SIN3B: variants seen among roughly 807,000 people sequenced by gnomAD.
SIN3B encodes paired amphipathic helix protein Sin3b.
SIN3B carries 19 observed loss-of-function variants against 120.2 expected under a neutral mutation model. The ratio of observed to expected loss-of-function variants is 0.16; its 90% confidence interval spans 0.11 to 0.23. The LOEUF is 0.23. SIN3B is among the 10% of genes least tolerant of loss of function. SIN3B has a pLI of 1.00. For synonymous variants in SIN3B, 654 were observed against 653.2 expected, an observed-to-expected ratio of 1.00 and a Z score of -0.02; for missense variants, 1,073 against 1,573.0, an observed-to-expected ratio of 0.68 and a Z score of 5.38.
chr19:16,847,221 C>G, intron 5 of SIN3B, 108 bp downstream of exon 5: 1 of 1,234,744 alleles, frequency 8.1e-7, no homozygotes, highest in Non-Finnish European at 1.1e-6. Context: ...CCAGGCCACA[C>G]TAGGGTCCCC....
chr19:16,862,851 C>A lies in SIN3B; in HGVS notation c.1266+292C>A. 1 of 1,526,334 alleles carries A rather than the reference C, an allele frequency of 6.6e-7. No homozygotes were observed. Among genetic ancestry groups the A allele is most frequent in the Non-Finnish European group, 9.1e-7 (1 of 1,100,076 alleles). 94.5% of individuals were successfully genotyped at this position (1,526,334 alleles called of 1,614,324 possible). On this transcript the variant is annotated intron_variant, in intron 9 of 18. Transcript: ENST00000248054. The surrounding 1 kb of genome is among the most constrained non-coding windows in gnomAD (Gnocchi z 4.7). ...TTGCTGCCATGATTCTGCTCTGTCC[C>A]GGGCTCACTGACCTCAGTGTGTTTC...
rs1971756561 is a variant in SIN3B at position 16,865,502 on chromosome 19, G to C, written c.1476G>C (p.Glu492Asp). 6.2e-7 allele frequency: 1 copy of C among 1,611,704 alleles called. No homozygotes were observed. Among genetic ancestry groups the C allele is most frequent in the South Asian group, 1.1e-5 (1 of 90,912 alleles). The change falls in exon 11 of 19, where the codon GAG (glutamate) becomes GAC (aspartate). Residue 492 changes from glutamate (E) to aspartate (D), a missense_variant. Around this residue, in one of 7 missense-constraint regions of SIN3B, gnomAD observed 118 missense variants for 281.6 expected, o/e 0.42. Coordinates refer to ENST00000248054, the MANE Select transcript of SIN3B (RefSeq NM_001297595.2). ...KLSRMAPEDQ[E>D]KFRLDDSLGG... is the part of the protein sequence containing the mutation. ...CTCGGATGGCGCCGGAAGACCAGGA[G>C]AAGTTCCGGCTGGACGACTCCCTGG...
At chr19:16,854,412 A>G (rs961918882) in intron 8 of SIN3B, 151 bp downstream of exon 8, 6 of 598,382 alleles carry the variant, frequency 1.0e-5, no homozygotes, top group Non-Finnish European at 1.8e-5. Context: ...ATTGATTCCC[A>G]TGCATTTGTA....
intron 10 of SIN3B, chr19:16,865,108 G>A: frequency 3.9e-6 from 1 of 256,024 alleles, no homozygotes. Flanking sequence ...CAGGATTACA[G>A]GCGTGAGCCA....
Position 16,865,397 on chromosome 19 carries a change from T to G in SIN3B, c.1384-13T>G, listed in dbSNP as rs1313251231. On this transcript the variant is annotated splice_polypyrimidine_tract_variant and intron_variant, in intron 10 of 18. Coordinates refer to ENST00000248054, the MANE Select transcript of SIN3B (RefSeq NM_001297595.2). ...CCCCAGTGGCTGACCCCGTCCTGCCTTCCTTTCCATAGTTAGACGTTGTCC... is the reference window on the plus strand; with the variant it reads ...CCCCAGTGGCTGACCCCGTCCTGCCGTCCTTTCCATAGTTAGACGTTGTCC... 1 of 1,553,400 alleles carries G rather than the reference T, an allele frequency of 6.4e-7. No homozygotes were observed. Among genetic ancestry groups the G allele is most frequent in the African/African-American group, 1.4e-5 (1 of 72,022 alleles).
intron 11 of SIN3B, among the ~76,000 whole-genome samples, chr19:16,865,979 G>A (rs969476344): frequency 1.6e-4 from 24 of 152,084 alleles, no homozygotes; most frequent in Admixed American, 4.6e-4. Context: ...GATGCCGTCC[G>A]GCGCTAGTTA....
At position 16,878,932 on chromosome 19, in the gene SIN3B, A is replaced by T. The variant is rs867754500; in HGVS notation, c.*205A>T. 15 of 576,302 alleles carry T rather than the reference A, an allele frequency of 2.6e-5. No homozygotes were observed. The highest frequency in any genetic ancestry group is 4.6e-4 in the Middle Eastern group (1 of 2,178). The allele number at this position is 576,302 out of a possible 1,614,324, so 35.7% of individuals were successfully genotyped here. On this transcript the variant is annotated 3_prime_UTR_variant, in exon 19 of 19. Transcript: ENST00000248054. ...TGTGTGCCAAACCTGAGCTACCTGC[A>T]CCCGAGCCCTGGGGCTCAGCCCCAC...
chr19:16,844,277 C>T (rs1253256736), intron 4 of SIN3B: 1 of 152,232 alleles, frequency 6.6e-6, no homozygotes, highest in African/African-American at 2.4e-5. Context: ...TTCAGGGATA[C>T]TGTTAGAGCC....
chr19:16,836,607 G>A (rs1253424663), intron 3 of SIN3B, among the ~76,000 whole-genome samples: 1 of 152,214 alleles, frequency 6.6e-6, no homozygotes, highest in Non-Finnish European at 1.5e-5. Context: ...GCCCTGCACT[G>A]TCTTGTTCAT....
At position 16,834,505 on chromosome 19, in the gene SIN3B, A is replaced by G. The variant is rs767261301; in HGVS notation, c.381+2858A>G. Among the ~76,000 whole-genome samples the G allele has an allele frequency of 3.3e-5, 5 of 152,274 alleles. No individual in the cohort carries two copies. The South Asian group carries it at 6.2e-4, about 19-fold the overall frequency. On this transcript the variant is annotated intron_variant, in intron 3 of 18. Coordinates refer to ENST00000248054, the MANE Select transcript of SIN3B (RefSeq NM_001297595.2). ...CTCCCCGTAGGTGGCTTAGGTGACAATGATGACGGTGCAGACCCATCGACT... is the reference window on the plus strand; with the variant it reads ...CTCCCCGTAGGTGGCTTAGGTGACAGTGATGACGGTGCAGACCCATCGACT...
Position 16,869,806 on chromosome 19 carries a change from A to T in SIN3B, c.2153A>T (p.Asp718Val). ...CCAGAGGAGAAGGGGGCCTTCGGGG[A>T]TGCCCCGGCCACTGAGCAGCCACCC... ...SPPEEKGAFG[D>V]APATEQPPLP... The change falls in exon 13 of 19, where the codon GAT becomes GTT. Residue 718 changes from aspartate to valine, a missense_variant. Coordinates refer to ENST00000248054, the MANE Select transcript of SIN3B (RefSeq NM_001297595.2). 1 of 1,613,656 alleles carries T rather than the reference A, an allele frequency of 6.2e-7. No individual in the cohort carries two copies. The highest frequency in any genetic ancestry group is 8.5e-7 in the Non-Finnish European group (1 of 1,179,938).
At chr19:16,856,430 G>A (rs866080152) in intron 8 of SIN3B, among the ~76,000 whole-genome samples, 1 of 152,128 alleles carries the variant, frequency 6.6e-6, no homozygotes, top group Non-Finnish European at 1.5e-5. Flanking sequence ...CTGCAGGTGG[G>A]CGCTACCTGC....
intron 14 of SIN3B, among the ~76,000 whole-genome samples, chr19:16,871,853 A>G (rs1425786292): frequency 2.0e-5 from 3 of 152,134 alleles, no homozygotes; most frequent in African/African-American, 7.2e-5. Flanking sequence ...ATTGTGAGCA[A>G]TGCTGCTCTG....
chr19:16,878,306 C>T lies in SIN3B; in HGVS notation c.3078C>T (p.Phe1026=), dbSNP rs2051638991. 4 of 1,611,414 alleles carry T rather than the reference C, an allele frequency of 2.5e-6. No homozygotes were observed. The highest frequency in any genetic ancestry group is 4.5e-5 in the East Asian group (2 of 44,810). The change falls in exon 18 of 19, where the codon TTC becomes TTT. Residue 1026 remains phenylalanine (F), a synonymous_variant. Coordinates refer to ENST00000248054, the MANE Select transcript of SIN3B (RefSeq NM_001297595.2). Reference sequence around the variant, plus strand: ...GCGCCTGCGACGTGGACTGCCGCTTCAAGCTCAGCACTCACAAGATGGTGT... The same window carrying T: ...GCGCCTGCGACGTGGACTGCCGCTTTAAGCTCAGCACTCACAAGATGGTGT... ...VESACDVDCR[F]KLSTHKMVFI...
Position 16,829,556 on chromosome 19 carries a change from GCCCT to G in SIN3B, c.120+22_120+25del. 1 of 1,237,780 alleles carries G rather than the reference GCCCT, an allele frequency of 8.1e-7. No individual in the cohort carries two copies. The highest frequency in any genetic ancestry group is 1.0e-6 in the Non-Finnish European group (1 of 990,000). 76.7% of individuals were successfully genotyped at this position (1,237,780 alleles called of 1,614,324 possible). ...GCCGGTGCACGTGAGTGGCGTCCCC[GCCCT>G]CCCTCGGGGAACCCATCTTCTGGAC... On this transcript the variant is annotated intron_variant, in intron 1 of 18. Transcript: ENST00000248054.
At chr19:16,867,615 G>A (rs958075480) in intron 12 of SIN3B, among the ~76,000 whole-genome samples, 2 of 152,206 alleles carry the variant, frequency 1.3e-5, no homozygotes, top group Non-Finnish European at 1.5e-5. Context: ...TCAGCCTGGT[G>A]CCCACCTGGG....
chr19:16,857,553 G>GTGTGTGTATA (rs66778532), intron 8 of SIN3B, among the ~76,000 whole-genome samples: 121 of 139,540 alleles, frequency 8.7e-4, no homozygotes, highest in African/African-American at 2.4e-3. Context: ...GTGTGTGTGT[G>GTGTGTGTATA]TATATATACA....
chr19:16,877,511 G>T, intron 16 of SIN3B, 34 bp from the exon 17 acceptor site: 1 of 1,485,630 alleles, frequency 6.7e-7, no homozygotes. Flanking sequence ...CCTGCTGTAG[G>T]GGCATCACGG....
At chr19:16,865,364 C>T in intron 10 of SIN3B, 46 bp from the exon 11 acceptor site, 3 of 1,280,930 alleles carry the variant, frequency 2.3e-6, no homozygotes, top group Non-Finnish European at 3.2e-6. Context: ...TCTGAGGCCT[C>T]TTGAGTTCCC....
Sources: gnomAD v4.1 joint callset for allele counts (sites outside exome capture counted in the v4.1 genomes callset) on GRCh38, gnomAD v4.1.1 for gene constraint, gnomAD v4.1.1 regional missense constraint, Gnocchi (gnomAD v3.1) non-coding constraint, MANE v1.5 for transcripts, NCBI Gene and HGNC (gene_info 2026-07-23, HGNC 2026-07-21) for gene names.